Variants in GJA5 observed in about 807,000 individuals in gnomAD.
The protein encoded by GJA5 is gap junction protein alpha 5.
GJA5 carries 3 observed loss-of-function variants against 7.9 expected under a neutral mutation model. That is an observed-to-expected ratio of 0.38 (90% confidence interval 0.17 to 0.99). GJA5 has a LOEUF of 0.99. Among genes scored for constraint, GJA5 ranks in the 50% least tolerant of loss-of-function variants. GJA5 has a pLI of 0.38. For synonymous variants in GJA5, 193 were observed against 181.0 expected, an observed-to-expected ratio of 1.07 and a Z score of -0.53; for missense variants, 390 against 457.9, an observed-to-expected ratio of 0.85 and a Z score of 1.35.
upstream of GJA5, among the ~76,000 whole-genome samples, chr1:147,762,878 T>C (rs1486290987): frequency 6.6e-6 from 1 of 152,254 alleles, no homozygotes; most frequent in Non-Finnish European, 1.5e-5. Context: ...GATTATTATC[T>C]GCTTCTTGGC....
chr1:147,758,119 C>G lies in GJA5; in HGVS notation c.*43G>C. 2.3e-6 allele frequency: 3 copies of G among 1,324,430 alleles called. No homozygotes were observed. The highest frequency in any genetic ancestry group is 3.3e-6 in the Non-Finnish European group (3 of 915,690). The allele number at this position is 1,324,430 out of a possible 1,614,324, so 82.0% of individuals were successfully genotyped here. ...AGGGACACGTCTTTCCTCTCTGAGCCTCCTTTGTTCCCACCTGGTCCTGAT... is the reference window on the plus strand; with the variant it reads ...AGGGACACGTCTTTCCTCTCTGAGCGTCCTTTGTTCCCACCTGGTCCTGAT... On this transcript the variant is annotated 3_prime_UTR_variant, in exon 2 of 2. Transcript: ENST00000579774.
chr1:147,758,091 A>T lies in GJA5; in HGVS notation c.*71T>A. 9.6e-7 allele frequency: 1 copy of T among 1,043,058 alleles called. No homozygotes were observed. The highest frequency in any genetic ancestry group is 2.4e-5 in the East Asian group (1 of 42,312). 64.6% of individuals were successfully genotyped at this position (1,043,058 alleles called of 1,614,324 possible). ...GATGACAGTGAGAAAGCATCAGTTC[A>T]GAAGGGACACGTCTTTCCTCTCTGA... On this transcript the variant is annotated 3_prime_UTR_variant, in exon 2 of 2. Transcript: ENST00000579774.
chr1:147,758,677 T>G lies in GJA5; in HGVS notation c.562A>C (p.Ser188Arg). Reference protein sequence around the residue: ...FLTTLHVCRRSPCPHPVNCYV... With the variant: ...FLTTLHVCRRRPCPHPVNCYV... ...CAGTTGACCGGGTGGGGACAGGGAC[T>G]CCTGCGGCAGACATGCAGGGTGGTC... is the stretch of plus-strand genomic sequence containing the variant. Residue 188 changes from serine to arginine, a missense_variant, in exon 2 of 2, where the codon AGT becomes CGT. Physicochemically the swap from Ser to Arg is moderately radical, Grantham distance 110. This residue lies in a region of GJA5 where 354 missense variants were observed against 370.9 expected (regional missense o/e 0.95). Transcript: ENST00000579774. The G allele has an allele frequency of 6.2e-7, 1 of 1,614,166 alleles. No homozygotes were observed. The highest frequency in any genetic ancestry group is 8.5e-7 in the Non-Finnish European group (1 of 1,180,014).
intron 1 of GJA5, among the ~76,000 whole-genome samples, chr1:147,767,956 C>T (rs587728359): frequency 6.6e-6 from 1 of 152,264 alleles, no homozygotes; most frequent in South Asian, 2.1e-4. Flanking sequence ...GGTGCTAATT[C>T]TTACATTTAG....
chr1:147,766,258 C>A (rs1453681031), intron 1 of GJA5, among the ~76,000 whole-genome samples: 3 of 152,126 alleles, frequency 2.0e-5, no homozygotes, highest in Non-Finnish European at 4.4e-5. Flanking sequence ...CACCCCAAAC[C>A]CCTTAGTGCT....
intron 1 of GJA5, among the ~76,000 whole-genome samples, chr1:147,759,596 C>T (rs1455003227): frequency 6.6e-6 from 1 of 152,122 alleles, no homozygotes; most frequent in African/African-American, 2.4e-5. Flanking sequence ...TGGGATGGCC[C>T]CCAGGAATCT....
chr1:147,759,090 G>C lies in GJA5; in HGVS notation c.149C>G (p.Ala50Gly). ...CTGAATCGTATCACACCGGAAATCA[G>C]CCTGCTCATCCCCCCAGGAAGACTC... ...AAESSWGDEQ[A>G]DFRCDTIQPG... The change falls in exon 2 of 2, where the codon GCT (alanine) becomes GGT (glycine). Residue 50 changes from alanine to glycine, a missense_variant. By Grantham distance (60) the Ala-to-Gly change is moderately conservative. Transcript: ENST00000579774. 6.2e-7 allele frequency: 1 copy of C among 1,612,664 alleles called. No individual in the cohort carries two copies. Among genetic ancestry groups the C allele is most frequent in the Non-Finnish European group, 8.5e-7 (1 of 1,179,242 alleles).
intron 1 of GJA5, among the ~76,000 whole-genome samples, chr1:147,773,061 C>A (rs1270087543): frequency 1.1e-4 from 16 of 152,158 alleles, no homozygotes; most frequent in African/African-American, 3.9e-4. Context: ...TTATCTGCTG[C>A]TTCGCTAAAC....
Position 147,758,188 on chromosome 1 carries a change from C to T in GJA5, c.1051G>A (p.Ala351Thr). 2 of 1,613,842 alleles carry T rather than the reference C, an allele frequency of 1.2e-6. No individual in the cohort carries two copies. Among genetic ancestry groups the T allele is most frequent in the Non-Finnish European group, 1.7e-6 (2 of 1,179,740 alleles). Residue 351 changes from alanine to threonine, a missense_variant, in exon 2 of 2, where the codon GCA becomes ACA. Around this residue, in one of 2 missense-constraint regions of GJA5, gnomAD observed 354 missense variants for 370.9 expected, o/e 0.95. Coordinates refer to ENST00000579774, the MANE Select transcript of GJA5 (RefSeq NM_181703.4). ...KRRLSKASSK[A>T]RSDDLSV ...CACACTGATAGGTCATCTGACCTTGCCTTGCTGCTGGCCTTACTAAGACGT... is the reference window on the plus strand; with the variant it reads ...CACACTGATAGGTCATCTGACCTTGTCTTGCTGCTGGCCTTACTAAGACGT...
chr1:147,757,861 G>C lies in GJA5; in HGVS notation c.*301C>G. 1 of 439,724 alleles carries C rather than the reference G, an allele frequency of 2.3e-6. No individual in the cohort carries two copies. Among genetic ancestry groups the C allele is most frequent in the Non-Finnish European group, 4.2e-6 (1 of 238,332 alleles). 27.2% of individuals were successfully genotyped at this position (439,724 alleles called of 1,614,324 possible). Reference sequence around the variant, plus strand: ...TCTATCCCTCTGGCTATCCCTTCCAGGCCAGCTTTTGCCATGCTTCCCTTC... The same window carrying C: ...TCTATCCCTCTGGCTATCCCTTCCACGCCAGCTTTTGCCATGCTTCCCTTC... On this transcript the variant is annotated 3_prime_UTR_variant, in exon 2 of 2. Transcript: ENST00000579774.
rs1164763532 is a variant in GJA5, at chr1:147,759,224, G to A, written c.15C>T (p.Ser5=). MGDW[S]FLGNFLEEVH... is the part of the protein sequence containing the mutation. Reference sequence around the variant, plus strand: ...CTTCCTCCAGGAAATTTCCCAGGAAGCTCCAATCGCCCATCTTGGCACAGC... The same window carrying A: ...CTTCCTCCAGGAAATTTCCCAGGAAACTCCAATCGCCCATCTTGGCACAGC... The change falls in exon 2 of 2, where the codon AGC becomes AGT. Residue 5 remains serine, a synonymous_variant. Coordinates refer to ENST00000579774, the MANE Select transcript of GJA5 (RefSeq NM_181703.4). 2.5e-6 allele frequency: 4 copies of A among 1,613,132 alleles called. No homozygotes were observed. Among genetic ancestry groups the A allele is most frequent in the East Asian group, 2.2e-5 (1 of 44,870 alleles).
intron 1 of GJA5, among the ~76,000 whole-genome samples, chr1:147,760,290 C>T (rs922923827): frequency 6.6e-6 from 1 of 152,192 alleles, no homozygotes; most frequent in East Asian, 1.9e-4. Context: ...GCTTTTCCAG[C>T]CTGTTCCTGC....
In GJA5 at chr1:147,756,310, C is replaced by T. The variant is rs1190940233; in HGVS notation, c.*1852G>A. Reference sequence around the variant, plus strand: ...CCACAGAATTTCTAATTCAAGAACACTCATTTCATAAAACATTTCAGAGAT... The same window carrying T: ...CCACAGAATTTCTAATTCAAGAACATTCATTTCATAAAACATTTCAGAGAT... On this transcript the variant is annotated 3_prime_UTR_variant, in exon 2 of 2. Transcript: ENST00000579774. 2 of 152,184 alleles carry T rather than the reference C, an allele frequency of 1.3e-5. No individual in the cohort carries two copies. The highest frequency in any genetic ancestry group is 1.3e-4 in the Admixed American group (2 of 15,280). The allele number at this position is 152,184 out of a possible 1,614,324, so 9.4% of individuals were successfully genotyped here. A position where few individuals can be genotyped will look rare whatever the true frequency, so the allele number is the denominator to read the frequency against.
In GJA5 at chr1:147,757,080, G is replaced by A. The variant is rs1557941305; in HGVS notation, c.*1082C>T. 1 of 152,180 alleles carries A rather than the reference G, an allele frequency of 6.6e-6. No individual in the cohort carries two copies. The allele number at this position is 152,180 out of a possible 1,614,324, so 9.4% of individuals were successfully genotyped here. A position where few individuals can be genotyped will look rare whatever the true frequency, so the allele number is the denominator to read the frequency against. On this transcript the variant is annotated 3_prime_UTR_variant, in exon 2 of 2. Transcript: ENST00000579774. ...CAGTCAGCAAAGGAAGTAAATAGGA[G>A]GGGAAAATAGTTTTCCAGTGTTTTC...
rs781992965 is a variant in GJA5 at position 147,758,319 on chromosome 1, G to A, written c.920C>T (p.Thr307Ile). ...AACCTGGATGAAACCTTCCCCAGGA[G>A]TCTGCTCCTGACCTCGTACTTGCTC... ...VTEQVRGQEQ[T>I]PGEGFIQVRY... The change falls in exon 2 of 2, where the codon ACT (threonine) becomes ATT (isoleucine). Residue 307 changes from threonine (T) to isoleucine (I), a missense_variant. This residue lies in a region of GJA5 where 354 missense variants were observed against 370.9 expected (regional missense o/e 0.95). Transcript: ENST00000579774. The A allele has an allele frequency of 1.2e-6, 2 of 1,614,194 alleles. No homozygotes were observed. Among genetic ancestry groups the A allele is most frequent in the Non-Finnish European group, 1.7e-6 (2 of 1,180,024 alleles).
chr1:147,758,160 G>A lies in GJA5; in HGVS notation c.*2C>T. The A allele has an allele frequency of 6.3e-7, 1 of 1,596,036 alleles. No homozygotes were observed. The highest frequency in any genetic ancestry group is 8.6e-7 in the Non-Finnish European group (1 of 1,163,610). ...TGGTCCTGATCCTCCCATAAAGGAG[G>A]GTCACACTGATAGGTCATCTGACCT... On this transcript the variant is annotated 3_prime_UTR_variant, in exon 2 of 2. Coordinates refer to ENST00000579774, the MANE Select transcript of GJA5 (RefSeq NM_181703.4).
upstream of GJA5, among the ~76,000 whole-genome samples, chr1:147,763,667 A>T (rs1339177612): frequency 2.6e-5 from 4 of 152,196 alleles, no homozygotes; most frequent in Non-Finnish European, 5.9e-5. Flanking sequence ...TGGCAATAGC[A>T]ACATGGTGCT....
In GJA5 at chr1:147,758,676, C is replaced by G. The variant is rs1329186325; in HGVS notation, c.563G>C (p.Ser188Thr). 5 of 1,614,148 alleles carry G rather than the reference C, an allele frequency of 3.1e-6. No individual in the cohort carries two copies. The highest frequency in any genetic ancestry group is 4.2e-6 in the Non-Finnish European group (5 of 1,180,014). Residue 188 changes from serine (S) to threonine (T), a missense_variant, in exon 2 of 2, where the codon AGT becomes ACT. Coordinates refer to ENST00000579774, the MANE Select transcript of GJA5 (RefSeq NM_181703.4). ...FLTTLHVCRR[S>T]PCPHPVNCYV... is the part of the protein sequence containing the mutation. Reference sequence around the variant, plus strand: ...ACAGTTGACCGGGTGGGGACAGGGACTCCTGCGGCAGACATGCAGGGTGGT... The same window carrying G: ...ACAGTTGACCGGGTGGGGACAGGGAGTCCTGCGGCAGACATGCAGGGTGGT...
chr1:147,769,528 C>A lies in GJA5; in HGVS notation c.-34+3724G>T, dbSNP rs146410333. 3.3e-3 allele frequency among the ~76,000 whole-genome samples: 496 copies of A among 152,298 alleles called. 4 individuals are homozygous for A. The highest frequency in any genetic ancestry group is 5.2e-3 in the South Asian group (25 of 4,822). On this transcript the variant is annotated intron_variant, in intron 1 of 1. Coordinates refer to the GJA5 transcript ENST00000430508. Reference sequence around the variant, plus strand: ...GAACAGTATCTGGCATATAGGCACTCAATGATATTAGTTCCTTGTTTTCTT... The same window carrying A: ...GAACAGTATCTGGCATATAGGCACTAAATGATATTAGTTCCTTGTTTTCTT...
Sources: allele counts gnomAD v4.1 joint callset (sites outside exome capture counted in the v4.1 genomes callset), GRCh38; gene constraint gnomAD v4.1.1; regional missense constraint gnomAD v4.1.1; transcripts MANE v1.5; gene names NCBI Gene and HGNC (gene_info 2026-07-23, HGNC 2026-07-21).